SYNE2: variants seen among roughly 807,000 people sequenced by gnomAD.
SYNE2 encodes the protein spectrin repeat containing nuclear envelope protein 2.
A neutral mutation model predicts 856.3 loss-of-function variants in SYNE2; 431 were observed. That is an observed-to-expected ratio of 0.50 (90% CI 0.47 to 0.55). The LOEUF is 0.55. Ranked by LOEUF, SYNE2 falls within the 20% of genes least tolerant of loss-of-function variation. SYNE2 has a pLI of 0.00. For missense variants in SYNE2, 8,129 were observed against 8,023.2 expected (o/e 1.01, Z -0.50); for synonymous variants, 2,923 against 2,872.3 (o/e 1.02, Z -0.56).
At chr14:64,107,204 A>T (rs2097777311) in intron 64 of SYNE2, among the ~76,000 whole-genome samples, 1 of 152,200 alleles carries the variant, frequency 6.6e-6, no homozygotes, top group Non-Finnish European at 1.5e-5. Flanking sequence ...TACTTCAACA[A>T]GACAAAGCAT....
chr14:63,932,157 C>T (rs1008249884), intron 2 of SYNE2, among the ~76,000 whole-genome samples: 2 of 151,914 alleles, frequency 1.3e-5, no homozygotes, highest in African/African-American at 4.8e-5. Context: ...AGGTGGAGCA[C>T]CTCACCTGAG....
intron 70 of SYNE2, among the ~76,000 whole-genome samples, chr14:64,123,219 G>T (rs899205753): frequency 4.6e-5 from 7 of 152,192 alleles, no homozygotes; most frequent in African/African-American, 1.4e-4. Context: ...TGGCCAATCG[G>T]TGTTCCCTGT....
chr14:63,818,242 G>C (rs1889080972), intron 1 of SYNE2, among the ~76,000 whole-genome samples: 1 of 151,350 alleles, frequency 6.6e-6, no homozygotes, highest in Non-Finnish European at 1.5e-5. Context: ...ATCTGAGGCA[G>C]GAGAATTGTT....
At chr14:63,774,178 C>T (rs1040067390) in intron 1 of SYNE2, among the ~76,000 whole-genome samples, 1 of 150,730 alleles carries the variant, frequency 6.6e-6, no homozygotes, top group Non-Finnish European at 1.5e-5. Context: ...ACTAAAAATA[C>T]AAAAAATTGG....
chr14:63,984,058 G>A (rs112285174), intron 18 of SYNE2, among the ~76,000 whole-genome samples, 172 bp downstream of exon 18: 9 of 152,092 alleles, frequency 5.9e-5, no homozygotes, highest in African/African-American at 1.9e-4. Context: ...CCTGGGTAAC[G>A]TGGCAAAACC....
At chr14:63,991,238 C>A in intron 21 of SYNE2, 123 bp downstream of exon 21, 1 of 1,033,784 alleles carries the variant, frequency 9.7e-7, no homozygotes, top group Non-Finnish European at 1.5e-6. Flanking sequence ...AAGAATTTCC[C>A]AGTATTCTAT....
At chr14:63,907,223 T>C (rs1360002122) in intron 1 of SYNE2, among the ~76,000 whole-genome samples, 7 of 152,208 alleles carry the variant, frequency 4.6e-5, no homozygotes, top group Non-Finnish European at 1.5e-5. Context: ...GAGGATTGAA[T>C]CTCTTGAGAG....
intron 45 of SYNE2, among the ~76,000 whole-genome samples, chr14:64,045,277 A>C (rs947184547): frequency 6.6e-6 from 1 of 152,180 alleles, no homozygotes; most frequent in African/African-American, 2.4e-5. Context: ...CAGTTGTTAG[A>C]AATAATGCTT....
intron 1 of SYNE2, among the ~76,000 whole-genome samples, chr14:63,866,771 A>G (rs1895445041): frequency 6.6e-6 from 1 of 152,182 alleles, no homozygotes; most frequent in South Asian, 2.1e-4. Flanking sequence ...CAGGAATTCA[A>G]GACCAACCTA....
rs181360701 is a variant in SYNE2 at position 63,782,271 on chromosome 14, C to T, written c.-305+20285C>T. Among the ~76,000 whole-genome samples the T allele has an allele frequency of 8.3e-3, 1,263 of 151,906 alleles. 8 individuals are homozygous for T. The highest frequency in any genetic ancestry group is 0.017 in the Admixed American group (263 of 15,232). ...GGTGGATCACCTGAGGTCAGGAGTT[C>T]GAGACCAGCCTGGCTAAAATGGTGA... On this transcript the variant is annotated intron_variant, in intron 1 of 23. Transcript: ENST00000674003.
In SYNE2 at chr14:63,804,575, C is replaced by T. The variant is rs142178786; in HGVS notation, c.-305+42589C>T. ...ATGGCGCGATCTTGGCTCACCACAACCTTTGCCTCCCGGGTGCAAGCAATT... is the reference window on the plus strand; with the variant it reads ...ATGGCGCGATCTTGGCTCACCACAATCTTTGCCTCCCGGGTGCAAGCAATT... On this transcript the variant is annotated intron_variant, in intron 1 of 23. Coordinates refer to the SYNE2 transcript ENST00000674003. 3.6e-3 allele frequency among the ~76,000 whole-genome samples: 548 copies of T among 152,260 alleles called. 4 individuals are homozygous for T. The highest frequency in any genetic ancestry group is 0.013 in the African/African-American group (526 of 41,544).
Position 64,001,905 on chromosome 14 carries a change from C to A in SYNE2, c.3639-29C>A, listed in dbSNP as rs762329065. 73 of 1,613,356 alleles carry A rather than the reference C, an allele frequency of 4.5e-5. No individual in the cohort carries two copies. In the South Asian group the frequency reaches 7.6e-4, roughly 17 times the overall value. On this transcript the variant is annotated intron_variant, in intron 28 of 115. Transcript: ENST00000555002. ...TAGGATATCTTTCTGCTGTGTTTTC[C>A]CCTCATGTCTGATTTACCTTGCACC...
chr14:63,942,182 C>G (rs746447382), intron 6 of SYNE2, 39 bp downstream of exon 6: 24 of 1,227,362 alleles, frequency 2.0e-5, no homozygotes, highest in Non-Finnish European at 2.8e-5. Flanking sequence ...TTCTACCCTA[C>G]CACAGTATAA....
At chr14:63,948,738 AGATATGTGTGTG>A (rs1566883344) in intron 6 of SYNE2, among the ~76,000 whole-genome samples, 13 of 73,720 alleles carry the variant, frequency 1.8e-4, no homozygotes, top group East Asian at 6.9e-4. Context: ...ATATGTGTAT[AGATATGTGTGTG>A]TATATATATG....
intron 1 of SYNE2, among the ~76,000 whole-genome samples, chr14:63,770,352 A>G (rs1297368521): frequency 6.6e-6 from 1 of 152,216 alleles, no homozygotes; most frequent in Non-Finnish European, 1.5e-5. Context: ...CTTGAATGCT[A>G]CTATGCCACA....
intron 84 of SYNE2, among the ~76,000 whole-genome samples, chr14:64,149,860 G>T (rs908668656): frequency 6.6e-6 from 1 of 152,104 alleles, no homozygotes; most frequent in East Asian, 1.9e-4. Context: ...GAAACTTGAA[G>T]GGTACTGTTA....
At chr14:63,935,874 C>CATTATT (rs917081205) in intron 2 of SYNE2, among the ~76,000 whole-genome samples, 5 of 151,822 alleles carry the variant, frequency 3.3e-5, no homozygotes, top group Non-Finnish European at 5.9e-5. Flanking sequence ...GAAAACAAAA[C>CATTATT]ATTATTATTA....
intron 94 of SYNE2, among the ~76,000 whole-genome samples, chr14:64,171,803 G>A (rs939836166): frequency 2.0e-5 from 3 of 152,192 alleles, no homozygotes; most frequent in African/African-American, 7.2e-5. Flanking sequence ...GAACCAGGGA[G>A]CCTTTGAAGC....
intron 2 of SYNE2, among the ~76,000 whole-genome samples, chr14:63,923,559 T>A (rs1486253395): frequency 6.6e-6 from 1 of 152,228 alleles, no homozygotes; most frequent in African/African-American, 2.4e-5. Flanking sequence ...CTGGGGTAGG[T>A]GCTGCAGGCA....
Sources: gnomAD v4.1 joint callset for allele counts (sites outside exome capture counted in the v4.1 genomes callset) on GRCh38, gnomAD v4.1.1 for gene constraint, MANE v1.5 for transcripts, NCBI Gene and HGNC (gene_info 2026-07-23, HGNC 2026-07-21) for gene names.